PDXDC1: variants seen among roughly 807,000 people sequenced by gnomAD.
PDXDC1 encodes the protein pyridoxal-dependent decarboxylase domain-containing protein 1.
In PDXDC1, 42 loss-of-function variants were observed where a neutral mutation model predicts 100.1. The observed-to-expected ratio is 0.42, with a 90% CI of 0.33 to 0.54. The LOEUF is 0.54. Ranked by LOEUF, PDXDC1 falls within the 20% of genes least tolerant of loss-of-function variation. The pLI, the probability that PDXDC1 is intolerant of heterozygous loss-of-function variation, is 0.10. For synonymous variants in PDXDC1, 260 were observed against 371.7 expected, an observed-to-expected ratio of 0.70 and a Z score of 3.46; for missense variants, 636 against 979.2, an observed-to-expected ratio of 0.65 and a Z score of 4.68.
At chr16:15,001,651 C>T in intron 3 of PDXDC1, 125 bp from the exon 4 acceptor site, 1 of 689,916 alleles carries the variant, frequency 1.4e-6, no homozygotes, top group Non-Finnish European at 2.4e-6. Context: ...CGTTCTTTCT[C>T]TTATAGTTGC....
intron 16 of PDXDC1, among the ~76,000 whole-genome samples, chr16:15,071,430 G>T (rs559349696): frequency 3.9e-5 from 6 of 152,228 alleles, no homozygotes; most frequent in South Asian, 4.2e-4. Context: ...AAGGCACCTC[G>T]GGTGTTAAAT....
intron 1 of PDXDC1, among the ~76,000 whole-genome samples, chr16:14,995,105 C>T (rs1340351050): frequency 6.6e-6 from 1 of 152,296 alleles, no homozygotes; most frequent in Non-Finnish European, 1.5e-5. Context: ...ATTTGACTTC[C>T]TCTTTTCCTA....
At chr16:15,031,129 T>TTTTA (rs2043036365) in intron 16 of PDXDC1, among the ~76,000 whole-genome samples, 25 of 141,116 alleles carry the variant, frequency 1.8e-4, no homozygotes. Context: ...TTTTTTTTTT[T>TTTTA]TTTTTTCCAT....
chr16:15,040,744 C>T (rs937170395), downstream of PDXDC1, among the ~76,000 whole-genome samples: 4 of 152,112 alleles, frequency 2.6e-5, no homozygotes, highest in East Asian at 1.9e-4. Flanking sequence ...AAAAGCACGC[C>T]GGGCCTGGGG....
intron 16 of PDXDC1, among the ~76,000 whole-genome samples, chr16:15,075,207 G>A (rs1457366575): frequency 4.0e-5 from 6 of 149,928 alleles, no homozygotes; most frequent in South Asian, 2.1e-4. Flanking sequence ...AGCCGAGTTC[G>A]TGTGCTCCAG....
chr16:15,036,021 A>T lies in PDXDC1; in HGVS notation c.2113A>T (p.Lys705Ter). Reference sequence around the variant, plus strand: ...TCTGTCTGCCCTTTCTGTAGGCCAGAAGCCTTTTAAAAGGTCCCTGCGAGG... The same window carrying T: ...TCTGTCTGCCCTTTCTGTAGGCCAGTAGCCTTTTAAAAGGTCCCTGCGAGG... ...SRTKQRLPGQ[K>*]PFKRSLRGSD... is the part of the protein sequence containing the mutation. Residue 705 changes from lysine to a stop codon, truncating the protein, a stop_gained, in exon 23 of 23, where the codon AAG becomes TAG. Coordinates refer to ENST00000396410, the MANE Select transcript of PDXDC1 (RefSeq NM_015027.4). LOFTEE classifies it low-confidence loss of function (END_TRUNC). The T allele has an allele frequency of 6.2e-7, 1 of 1,612,492 alleles. No homozygotes were observed. Among genetic ancestry groups the T allele is most frequent in the Non-Finnish European group, 8.5e-7 (1 of 1,179,164 alleles).
chr16:15,084,714 A>C (rs2045846745), intron 16 of PDXDC1: 24 of 1,607,930 alleles, frequency 1.5e-5, no homozygotes, highest in Non-Finnish European at 2.0e-5. Flanking sequence ...ATCTGAAAGG[A>C]GAAAAGTTCA....
At chr16:14,983,181 A>G (rs1305984175) in intron 1 of PDXDC1, among the ~76,000 whole-genome samples, 1 of 152,288 alleles carries the variant, frequency 6.6e-6, no homozygotes, top group Non-Finnish European at 1.5e-5. Context: ...TGTTGAAACG[A>G]AAGTATTATA....
chr16:15,133,712 C>T (rs2048216323), intron 16 of PDXDC1: 27 of 1,604,464 alleles, frequency 1.7e-5, no homozygotes, highest in Middle Eastern at 2.3e-4. Context: ...GCCTGAGGGA[C>T]GGTCCCCATG....
intron 16 of PDXDC1, among the ~76,000 whole-genome samples, chr16:15,031,513 C>T (rs1005861479): frequency 6.6e-6 from 1 of 152,184 alleles, no homozygotes; most frequent in Admixed American, 6.5e-5. Context: ...TGGGCCACAT[C>T]TGTGAGAGAA....
chr16:15,012,305 G>A (rs1422795821), intron 8 of PDXDC1, among the ~76,000 whole-genome samples: 10 of 151,492 alleles, frequency 6.6e-5, no homozygotes, highest in South Asian at 6.3e-4. Flanking sequence ...GAGTTTCACC[G>A]TGTTGGCCAG....
intron 16 of PDXDC1, among the ~76,000 whole-genome samples, chr16:15,056,368 C>G (rs2044523192): frequency 6.6e-6 from 1 of 152,236 alleles, no homozygotes; most frequent in Non-Finnish European, 1.5e-5. Flanking sequence ...GGTTCTGGCT[C>G]CGACTGCTGC....
intron 16 of PDXDC1, chr16:15,055,997 C>A: frequency 8.4e-7 from 1 of 1,188,934 alleles, no homozygotes. Flanking sequence ...CCAGGCAGGC[C>A]CAGGGAGGCG....
At chr16:15,072,139 G>A (rs2045259250) in intron 16 of PDXDC1, among the ~76,000 whole-genome samples, 1 of 151,904 alleles carries the variant, frequency 6.6e-6, no homozygotes, top group Non-Finnish European at 1.5e-5. Context: ...ACCCATGTGG[G>A]CAGACTGAAT....
intron 16 of PDXDC1, among the ~76,000 whole-genome samples, chr16:15,129,222 A>T (rs1000289128): frequency 5.3e-5 from 8 of 151,526 alleles, no homozygotes; most frequent in Non-Finnish European, 1.2e-4. Context: ...TCATCCCAGC[A>T]CTCTGGCAGG....
At chr16:14,995,454 C>T (rs1192911640) in intron 1 of PDXDC1, among the ~76,000 whole-genome samples, 3 of 152,286 alleles carry the variant, frequency 2.0e-5, no homozygotes, top group African/African-American at 4.8e-5. Context: ...TATTGATTTG[C>T]GTATGTTGAA....
chr16:15,043,625 CAAT>C (rs79638963), intron 16 of PDXDC1, among the ~76,000 whole-genome samples: 44,141 of 151,986 alleles, frequency 0.29, 6,962 homozygotes, highest in Admixed American at 0.44. Context: ...CAACACACGA[CAAT>C]GTTTTCTTTC....
intron 13 of PDXDC1, among the ~76,000 whole-genome samples, chr16:15,024,512 A>G (rs1217248427): frequency 6.6e-6 from 1 of 152,016 alleles, no homozygotes; most frequent in Non-Finnish European, 1.5e-5. Flanking sequence ...GTCCCTGTTC[A>G]AGCAGTTCTC....
intron 16 of PDXDC1, among the ~76,000 whole-genome samples, chr16:15,053,820 A>T (rs975681330): frequency 1.3e-5 from 2 of 152,206 alleles, no homozygotes; most frequent in African/African-American, 4.8e-5. Context: ...CTGAGGCAGG[A>T]GAATCGCTTG....
Sources: gnomAD v4.1 joint callset for allele counts (sites outside exome capture counted in the v4.1 genomes callset) on GRCh38, gnomAD v4.1.1 for gene constraint, MANE v1.5 for transcripts, NCBI Gene and HGNC (gene_info 2026-07-23, HGNC 2026-07-21) for gene names.